The following IGF2BP2 variants were observed in gnomAD, a reference collection of about 807,000 sequenced individuals.
The protein encoded by IGF2BP2 is insulin-like growth factor 2 mRNA-binding protein 2.
IGF2BP2 carries 17 observed loss-of-function variants against 75.8 expected under a neutral mutation model. The observed-to-expected ratio is 0.22, with a 90% CI of 0.15 to 0.34. The LOEUF (loss-of-function observed/expected upper bound fraction) is 0.34. Among genes scored for constraint, IGF2BP2 ranks in the 10% least tolerant of loss-of-function variants. IGF2BP2 has a pLI of 1.00. For missense variants in IGF2BP2, 516 were observed against 772.4 expected, an observed-to-expected ratio of 0.67 and a Z score of 3.93; for synonymous variants, 288 against 295.6, an observed-to-expected ratio of 0.97 and a Z score of 0.26.
chr3:185,710,152 A>ATTT (rs567527407), intron 2 of IGF2BP2, among the ~76,000 whole-genome samples: 110 of 117,528 alleles, frequency 9.4e-4, no homozygotes, highest in African/African-American at 1.1e-3. Flanking sequence ...GTAGTTTTAG[A>ATTT]TTTTTTTTTT....
chr3:185,705,666 G>A (rs1723922871), intron 2 of IGF2BP2, among the ~76,000 whole-genome samples: 1 of 152,146 alleles, frequency 6.6e-6, no homozygotes, highest in South Asian at 2.1e-4. Flanking sequence ...ATTTCTCACA[G>A]TTCTGGAGGC....
chr3:185,821,006 C>G, intron 2 of IGF2BP2: 2 of 1,535,486 alleles, frequency 1.3e-6, no homozygotes, highest in South Asian at 2.4e-5. Context: ...TCAAATGTCA[C>G]AGTACCCTGG....
intron 2 of IGF2BP2, among the ~76,000 whole-genome samples, chr3:185,747,333 G>T (rs1730375226): frequency 6.6e-6 from 1 of 152,076 alleles, no homozygotes; most frequent in East Asian, 1.9e-4. Flanking sequence ...CACCAACCCT[G>T]GACTTTAAAG....
chr3:185,654,346 G>A (rs557172898), intron 12 of IGF2BP2, among the ~76,000 whole-genome samples: 4 of 152,188 alleles, frequency 2.6e-5, no homozygotes, highest in Non-Finnish European at 5.9e-5. Flanking sequence ...AGGATCCCTT[G>A]ACTCTACTTT....
intron 2 of IGF2BP2, among the ~76,000 whole-genome samples, chr3:185,745,276 C>T (rs1448520320): frequency 6.6e-6 from 1 of 152,186 alleles, no homozygotes; most frequent in Non-Finnish European, 1.5e-5. Context: ...GAAGCACAAG[C>T]TTCTCTGGTA....
rs114550940 is a variant in IGF2BP2 at position 185,644,593 on chromosome 3, G to A, written c.*938C>T. The A allele has an allele frequency of 2.8e-5, 4 of 144,428 alleles. No homozygotes were observed. The highest frequency in any genetic ancestry group is 2.0e-4 in the East Asian group (1 of 4,998). The allele number at this position is 144,428 out of a possible 1,614,324, so 8.9% of individuals were successfully genotyped here. A position where few individuals can be genotyped will look rare whatever the true frequency, so the allele number is the denominator to read the frequency against. ...TACTCAGAGCACTGCTTTGCCTGGG[G>A]GGGGGGGGGTGCGTAGATACGGGAT... On this transcript the variant is annotated 3_prime_UTR_variant, in exon 16 of 16. Coordinates refer to ENST00000382199, the MANE Select transcript of IGF2BP2 (RefSeq NM_006548.6).
chr3:185,778,017 C>CAA (rs61324315), intron 2 of IGF2BP2, among the ~76,000 whole-genome samples: 40 of 142,262 alleles, frequency 2.8e-4, no homozygotes, highest in African/African-American at 1.0e-3. Context: ...GAGACTCCGT[C>CAA]AAAAAAAAAA....
intron 7 of IGF2BP2, among the ~76,000 whole-genome samples, chr3:185,685,785 G>A (rs1021634541): frequency 1.3e-5 from 2 of 152,134 alleles, no homozygotes; most frequent in Admixed American, 6.5e-5. Context: ...GAGACTACAG[G>A]TATACACCAC....
At chr3:185,788,178 T>C (rs1485009151) in intron 2 of IGF2BP2, among the ~76,000 whole-genome samples, 1 of 152,206 alleles carries the variant, frequency 6.6e-6, no homozygotes, top group South Asian at 2.1e-4. Context: ...ACATTATAAC[T>C]GAAACTACTG....
intron 2 of IGF2BP2, among the ~76,000 whole-genome samples, chr3:185,746,351 G>C (rs960756819): frequency 2.6e-5 from 4 of 152,176 alleles, no homozygotes; most frequent in Admixed American, 1.3e-4. Flanking sequence ...CATAAAAGCA[G>C]CTGGTTCCAA....
chr3:185,775,797 C>T (rs762936537), intron 2 of IGF2BP2, among the ~76,000 whole-genome samples: 1 of 152,152 alleles, frequency 6.6e-6, no homozygotes. Context: ...ATAATAAAAA[C>T]GCCAGTCCAA....
chr3:185,778,882 A>G (rs1161711416), intron 2 of IGF2BP2, among the ~76,000 whole-genome samples: 2 of 152,198 alleles, frequency 1.3e-5, no homozygotes, highest in Non-Finnish European at 2.9e-5. Context: ...AAAACCTTAC[A>G]TAACAGTGTT....
intron 7 of IGF2BP2, among the ~76,000 whole-genome samples, chr3:185,682,417 C>G (rs1163278850): frequency 6.6e-6 from 1 of 152,170 alleles, no homozygotes; most frequent in Non-Finnish European, 1.5e-5. Context: ...TAGGATAACC[C>G]TCACCAGATG....
intron 2 of IGF2BP2, among the ~76,000 whole-genome samples, chr3:185,754,625 G>A (rs1731365352): frequency 6.6e-6 from 1 of 152,052 alleles, no homozygotes; most frequent in African/African-American, 2.4e-5. Context: ...TGGTTAAATG[G>A]TTGTGACTAA....
chr3:185,701,367 T>TAAAAA (rs558141080), intron 2 of IGF2BP2, among the ~76,000 whole-genome samples: 32 of 116,330 alleles, frequency 2.8e-4, no homozygotes, highest in South Asian at 5.6e-4. Context: ...ACCTGCTAAG[T>TAAAAA]AAAAAAAAAA....
At chr3:185,753,765 T>C (rs542886219) in intron 2 of IGF2BP2, among the ~76,000 whole-genome samples, 1 of 152,210 alleles carries the variant, frequency 6.6e-6, no homozygotes, top group Non-Finnish European at 1.5e-5. Context: ...AAAGCTCATG[T>C]TGAAATGTGA....
intron 10 of IGF2BP2, among the ~76,000 whole-genome samples, chr3:185,668,105 T>A (rs1717924631): frequency 6.6e-6 from 1 of 152,192 alleles, no homozygotes; most frequent in Admixed American, 6.5e-5. Flanking sequence ...CTTCAAGATA[T>A]GCCTGTAAAG....
intron 2 of IGF2BP2, among the ~76,000 whole-genome samples, chr3:185,701,380 A>AAAAG (rs946988671): frequency 1.1e-4 from 17 of 150,778 alleles, no homozygotes; most frequent in South Asian, 4.2e-4. Flanking sequence ...AAAAAAAAAA[A>AAAAG]AAAGAAAGAA....
At chr3:185,727,439 G>T (rs988660684) in intron 2 of IGF2BP2, among the ~76,000 whole-genome samples, 2 of 152,076 alleles carry the variant, frequency 1.3e-5, no homozygotes, top group Admixed American at 6.5e-5. Flanking sequence ...GAGGCTCTTG[G>T]CCTCAAAGAC....
Sources: allele counts gnomAD v4.1 joint callset (sites outside exome capture counted in the v4.1 genomes callset), GRCh38; gene constraint gnomAD v4.1.1; transcripts MANE v1.5; gene names NCBI Gene and HGNC (gene_info 2026-07-23, HGNC 2026-07-21).